ATL2: variants seen among roughly 807,000 people sequenced by gnomAD.
The protein encoded by ATL2 is atlastin GTPase 2.
Under a neutral mutation model 73.9 loss-of-function variants are expected in ATL2, and 31 were observed. That is an observed-to-expected ratio of 0.42 (90% CI 0.32 to 0.57). ATL2 has a LOEUF of 0.57. Among genes scored for constraint, ATL2 ranks in the 20% least tolerant of loss-of-function variants. ATL2 has a pLI of 0.14. For missense variants in ATL2, 738 were observed against 702.6 expected (o/e 1.05, Z -0.57); for synonymous variants, 291 against 237.5 (o/e 1.23, Z -2.07).
intron 9 of ATL2, among the ~76,000 whole-genome samples, chr2:38,307,235 G>A (rs1284926684): frequency 6.6e-6 from 1 of 152,094 alleles, no homozygotes; most frequent in African/African-American, 2.4e-5. Context: ...GCAGCTGCCT[G>A]TAATCCCAGC....
At chr2:38,365,409 C>G (rs181889590) in intron 1 of ATL2, among the ~76,000 whole-genome samples, 35 of 152,210 alleles carry the variant, frequency 2.3e-4, no homozygotes, top group African/African-American at 7.2e-4. Flanking sequence ...AATCCCAGCA[C>G]TTTGGGAGGC....
chr2:38,339,683 A>G (rs1348972937), intron 2 of ATL2, among the ~76,000 whole-genome samples: 1 of 151,952 alleles, frequency 6.6e-6, no homozygotes, highest in African/African-American at 2.4e-5. Context: ...CAGAATATTT[A>G]TTTTTATTTT....
chr2:38,364,207 A>G (rs1228844639), intron 1 of ATL2, among the ~76,000 whole-genome samples: 1 of 152,184 alleles, frequency 6.6e-6, no homozygotes, highest in Non-Finnish European at 1.5e-5. Context: ...GGTTGCAGTG[A>G]GCCGAGATTG....
chr2:38,360,734 T>A (rs2124467009), intron 1 of ATL2, among the ~76,000 whole-genome samples: 1 of 152,254 alleles, frequency 6.6e-6, no homozygotes, highest in South Asian at 2.1e-4. Context: ...CTTAGGTACT[T>A]TTTTGGGGGG....
At chr2:38,366,121 A>G (rs1028523308) in intron 1 of ATL2, among the ~76,000 whole-genome samples, 1 of 151,876 alleles carries the variant, frequency 6.6e-6, no homozygotes, top group African/African-American at 2.4e-5. Flanking sequence ...AAACAAAGAT[A>G]AAGTCAGAGC....
chr2:38,331,639 T>C (rs912775737), intron 2 of ATL2, among the ~76,000 whole-genome samples: 3 of 148,204 alleles, frequency 2.0e-5, no homozygotes, highest in Non-Finnish European at 4.5e-5. Context: ...AAATAGAACA[T>C]GTATACAGAT....
At chr2:38,299,822 G>A (rs1207065849) in intron 10 of ATL2, among the ~76,000 whole-genome samples, 2 of 152,174 alleles carry the variant, frequency 1.3e-5, no homozygotes, top group Non-Finnish European at 2.9e-5. Context: ...AAATGACACT[G>A]TCCCAAAAGA....
chr2:38,323,818 A>C (rs1019509416), intron 2 of ATL2, among the ~76,000 whole-genome samples: 1 of 152,160 alleles, frequency 6.6e-6, no homozygotes, highest in Non-Finnish European at 1.5e-5. Flanking sequence ...TCAAGTGATC[A>C]AAGGGTTGGT....
At chr2:38,353,186 C>A (rs958601774) in intron 1 of ATL2, among the ~76,000 whole-genome samples, 2 of 152,126 alleles carry the variant, frequency 1.3e-5, no homozygotes, top group Non-Finnish European at 2.9e-5. Flanking sequence ...ACTGTAAATA[C>A]GTTCAAGGAC....
At chr2:38,315,534 AG>A (rs1389541345) in intron 4 of ATL2, among the ~76,000 whole-genome samples, 200 bp from the exon 5 acceptor site, 1 of 152,152 alleles carries the variant, frequency 6.6e-6, no homozygotes, top group Non-Finnish European at 1.5e-5. Flanking sequence ...TTAAGGAAGA[AG>A]CAGTGGTGGT....
chr2:38,359,732 T>C (rs933910815), intron 1 of ATL2: 1 of 152,202 alleles, frequency 6.6e-6, no homozygotes, highest in Non-Finnish European at 1.5e-5. Flanking sequence ...TAAAATGGTT[T>C]ATAAATGTAT....
intron 1 of ATL2, among the ~76,000 whole-genome samples, chr2:38,351,442 T>C (rs903128956): frequency 6.6e-6 from 1 of 152,008 alleles, no homozygotes. Flanking sequence ...TGACATATTA[T>C]GCAGCCTAAA....
chr2:38,322,832 T>C (rs1230204274), intron 2 of ATL2, among the ~76,000 whole-genome samples: 1 of 152,170 alleles, frequency 6.6e-6, no homozygotes, highest in Non-Finnish European at 1.5e-5. Context: ...TGAGCTATGA[T>C]GATGCCACCA....
rs188108638 is a variant in ATL2 at position 38,354,090 on chromosome 2, G to T, written c.119-10578C>A. ...ACCTGTAATCCCAGCTACTTGGGAGGCTGAGGCAGAGGAATCACTTGAACC... is the reference window on the plus strand; with the variant it reads ...ACCTGTAATCCCAGCTACTTGGGAGTCTGAGGCAGAGGAATCACTTGAACC... On this transcript the variant is annotated intron_variant, in intron 1 of 12. Transcript: ENST00000378954. 2.6e-4 allele frequency: 96 copies of T among 373,736 alleles called. 1 individual carries two copies. Among genetic ancestry groups the T allele is most frequent in the African/African-American group, 2.1e-3 (92 of 44,156 alleles). 23.2% of individuals were successfully genotyped at this position (373,736 alleles called of 1,614,324 possible). A position where few individuals can be genotyped will look rare whatever the true frequency, so the allele number is the denominator to read the frequency against.
At chr2:38,297,325 G>A (rs961574635) in intron 12 of ATL2, among the ~76,000 whole-genome samples, 1 of 152,068 alleles carries the variant, frequency 6.6e-6, no homozygotes, top group Non-Finnish European at 1.5e-5. Flanking sequence ...GCCCAAAAAT[G>A]GCATCTCAAA....
chr2:38,310,629 C>CTT (rs538258408), intron 7 of ATL2, among the ~76,000 whole-genome samples, 182 bp from the exon 8 acceptor site: 16 of 127,290 alleles, frequency 1.3e-4, no homozygotes, highest in Admixed American at 3.2e-4. Context: ...TAAGACCCCA[C>CTT]TTTTTTTTTT....
rs144005112 is a variant in ATL2, at chr2:38,313,241, T to A, written c.714A>T (p.Thr238=). The change falls in exon 7 of 13, where the codon ACA becomes ACT. Residue 238 remains threonine, a splice_region_variant and synonymous_variant. Coordinates refer to ENST00000378954, the MANE Select transcript of ATL2 (RefSeq NM_001135673.4). ...TCCAATCTCGAATCAAAAACATTAATGTCTATACACAGAAAAAATAAAAAT... is the reference window on the plus strand; with the variant it reads ...TCCAATCTCGAATCAAAAACATTAAAGTCTATACACAGAAAAAATAAAAAT... ...MEEIYQKPFQ[T]LMFLIRDWSY... 88 of 1,601,760 alleles carry A rather than the reference T, an allele frequency of 5.5e-5. No individual in the cohort carries two copies. Among genetic ancestry groups the A allele is most frequent in the Non-Finnish European group, 7.0e-5 (82 of 1,173,026 alleles).
intron 9 of ATL2, among the ~76,000 whole-genome samples, chr2:38,302,378 G>A (rs551047803): frequency 6.6e-6 from 1 of 152,222 alleles, no homozygotes; most frequent in African/African-American, 2.4e-5. Flanking sequence ...CGGATCACCA[G>A]AGAGCATCTC....
At chr2:38,358,363 G>C (rs1670798186) in intron 1 of ATL2, 1 of 153,370 alleles carries the variant, frequency 6.5e-6, no homozygotes, top group Non-Finnish European at 1.5e-5. Flanking sequence ...AAAAAGTCGA[G>C]GTACATAAAA....
Sources: allele counts gnomAD v4.1 joint callset (sites outside exome capture counted in the v4.1 genomes callset), GRCh38; gene constraint gnomAD v4.1.1; transcripts MANE v1.5; gene names NCBI Gene and HGNC (gene_info 2026-07-23, HGNC 2026-07-21).